Variants in GPN1 observed in about 807,000 individuals in gnomAD.
GPN1 encodes the protein GPN-loop GTPase 1.
In GPN1, 44 loss-of-function variants were observed where a neutral mutation model predicts 55.9. The observed-to-expected ratio is 0.79, with a 90% confidence interval of 0.62 to 1.01. GPN1 has a LOEUF of 1.01. GPN1 is among the 50% of genes least tolerant of loss of function. GPN1 has a pLI of 0.00. For synonymous variants in GPN1, 179 were observed against 162.5 expected (o/e 1.10, Z -0.77); for missense variants, 466 against 462.8 (o/e 1.01, Z -0.06).
chr2:27,628,536 T>A (rs1305959390), upstream of GPN1: 1 of 1,551,428 alleles, frequency 6.4e-7, no homozygotes. Context: ...GCTCCCGTAG[T>A]TTATTCGTTC....
In GPN1 at chr2:27,643,641, T is replaced by TA. The variant is rs1311079745; in HGVS notation, c.931+1123dup. Reference sequence around the variant, plus strand: ...TCCTTTAGAATCTGGAACAGTGCCTTAGTCTGACTTTGTATTTCATGACTG... The same window carrying TA: ...TCCTTTAGAATCTGGAACAGTGCCTTAAGTCTGACTTTGTATTTCATGACTG... On this transcript the variant is annotated intron_variant, in intron 12 of 13. Transcript: ENST00000610189. This position sits in a 1 kb window ranked among gnomAD's most constrained non-coding sequence, Gnocchi z 4.0. 6.6e-6 allele frequency among the ~76,000 whole-genome samples: 1 copy of TA among 152,234 alleles called. No individual in the cohort carries two copies. The highest frequency in any genetic ancestry group is 1.5e-5 in the Non-Finnish European group (1 of 68,040).
At chr2:27,638,816 C>T (rs1420627216) in intron 8 of GPN1, 69 bp from the exon 9 acceptor site, 2 of 1,322,182 alleles carry the variant, frequency 1.5e-6, no homozygotes, top group Non-Finnish European at 2.1e-6. Context: ...GCTGTCAACA[C>T]TTAATTAAAA....
intron 3 of GPN1, chr2:27,631,319 G>A (rs565803268): frequency 3.9e-6 from 2 of 515,856 alleles, no homozygotes; most frequent in Non-Finnish European, 6.9e-6. Context: ...CAGCTACCTG[G>A]GTCCCACAAG....
rs780203571 is a variant in GPN1 at position 27,643,919 on chromosome 2, C to CT, written c.931+1401dup. 2.0e-5 allele frequency among the ~76,000 whole-genome samples: 3 copies of CT among 152,210 alleles called. No individual in the cohort carries two copies. Among genetic ancestry groups the CT allele is most frequent in the Non-Finnish European group, 4.4e-5 (3 of 68,034 alleles). On this transcript the variant is annotated intron_variant, in intron 12 of 13. Coordinates refer to ENST00000610189, the MANE Select transcript of GPN1 (RefSeq NM_007266.4). This position sits in a 1 kb window ranked among gnomAD's most constrained non-coding sequence, Gnocchi z 4.0. ...TTAGGCCGGGCGCAGTGGCTCACGC[C>CT]TGTAATCCCAGCATTTTGGGAGGCC... is the stretch of plus-strand genomic sequence containing the variant.
Position 27,632,631 on chromosome 2 carries a change from A to G in GPN1, c.313-2A>G. The G allele has an allele frequency of 6.3e-7, 1 of 1,595,540 alleles. No individual in the cohort carries two copies. Among genetic ancestry groups the G allele is most frequent in the South Asian group, 1.1e-5 (1 of 90,630 alleles). On this transcript the variant is annotated splice_acceptor_variant, in intron 4 of 13. Coordinates refer to ENST00000610189, the MANE Select transcript of GPN1 (RefSeq NM_007266.4). LOFTEE classifies it high-confidence loss of function. ...GTTGTCATTGACATCTTTTTCTTTT[A>G]GGTGATGAAATTTATTGAGAAGGCC...
Position 27,642,508 on chromosome 2 carries a change from G to T in GPN1, c.920G>T (p.Gly307Val). ...KDMGSVALDA[G>V]TAKDSLSPVL... is the part of the protein sequence containing the mutation. ...ATGGGTTCTGTAGCCTTGGATGCAG[G>T]GACTGCCAAAGGTATTGGAGGGTTT... The change falls in exon 12 of 14, where the codon GGG (glycine) becomes GTG (valine). Residue 307 changes from glycine (G) to valine (V), a missense_variant. By Grantham distance (109) the Gly-to-Val change is moderately radical. Coordinates refer to ENST00000610189, the MANE Select transcript of GPN1 (RefSeq NM_007266.4). 1 of 1,603,172 alleles carries T rather than the reference G, an allele frequency of 6.2e-7. No homozygotes were observed. The highest frequency in any genetic ancestry group is 8.5e-7 in the Non-Finnish European group (1 of 1,170,184).
At chr2:27,639,054 AC>A (rs751092387) in intron 9 of GPN1, 23 bp downstream of exon 9, 74 of 1,568,668 alleles carry the variant, frequency 4.7e-5, no homozygotes, top group Non-Finnish European at 6.2e-5. Context: ...TCCTGCTCAC[AC>A]TGACAGCCTC....
At chr2:27,642,956 TATAC>T (rs1335344703) in intron 12 of GPN1, among the ~76,000 whole-genome samples, 134 of 85,822 alleles carry the variant, frequency 1.6e-3, no homozygotes, top group East Asian at 7.4e-3. Flanking sequence ...TATATATATA[TATAC>T]ACACACACAC....
At chr2:27,648,314 G>A (rs1674343834) in intron 13 of GPN1, among the ~76,000 whole-genome samples, 1 of 152,142 alleles carries the variant, frequency 6.6e-6, no homozygotes. Context: ...GAGGCCAGGA[G>A]TTCTGGACAA....
chr2:27,628,473 A>G, upstream of GPN1: 1 of 1,551,508 alleles, frequency 6.4e-7, no homozygotes, highest in Non-Finnish European at 8.7e-7. Context: ...AATGAGCGCT[A>G]GCATCAGGAA....
In GPN1 at chr2:27,635,191, A is replaced by G; in HGVS notation, c.481A>G (p.Thr161Ala). ...CTATGTAATGGACACATCGAGAAGTACCAACCCAGTGACCTTCATGTCCAA... is the reference window on the plus strand; with the variant it reads ...CTATGTAATGGACACATCGAGAAGTGCCAACCCAGTGACCTTCATGTCCAA... Reference protein sequence around the residue: ...VIYVMDTSRSTNPVTFMSNML... With the variant: ...VIYVMDTSRSANPVTFMSNML... Residue 161 changes from threonine to alanine, a missense_variant, in exon 7 of 14, where the codon ACC becomes GCC. Physicochemically the swap from Thr to Ala is moderately conservative, Grantham distance 58. Coordinates refer to ENST00000610189, the MANE Select transcript of GPN1 (RefSeq NM_007266.4). 1 of 1,606,102 alleles carries G rather than the reference A, an allele frequency of 6.2e-7. No individual in the cohort carries two copies. The highest frequency in any genetic ancestry group is 8.5e-7 in the Non-Finnish European group (1 of 1,173,200).
At chr2:27,649,529 T>C (rs1674418462) in intron 13 of GPN1, among the ~76,000 whole-genome samples, 1 of 152,212 alleles carries the variant, frequency 6.6e-6, no homozygotes, top group African/African-American at 2.4e-5. Flanking sequence ...GCCCCTTTTT[T>C]TTCAGTCCCC....
chr2:27,641,205 A>G (rs754271891), intron 10 of GPN1, 35 bp from the exon 11 acceptor site: 9 of 1,509,594 alleles, frequency 6.0e-6, no homozygotes, highest in Middle Eastern at 1.7e-4. Context: ...ATAGAGGATT[A>G]AGCAAAGGAA....
intron 5 of GPN1, among the ~76,000 whole-genome samples, chr2:27,634,233 C>T (rs1673650193): frequency 6.6e-6 from 1 of 151,640 alleles, no homozygotes; most frequent in Admixed American, 6.6e-5. Flanking sequence ...AATTCTTTGC[C>T]AATTAAAAAA....
chr2:27,648,215 A>G (rs192837640), intron 13 of GPN1, among the ~76,000 whole-genome samples: 1 of 152,124 alleles, frequency 6.6e-6, no homozygotes, highest in East Asian at 1.9e-4. Context: ...TGTTATTAGT[A>G]TTTTGTTTTA....
At chr2:27,645,309 A>T (rs1350955121) in intron 12 of GPN1, among the ~76,000 whole-genome samples, 2 of 151,404 alleles carry the variant, frequency 1.3e-5, no homozygotes, top group Non-Finnish European at 2.9e-5. Context: ...GTGAGCAAGG[A>T]CTCCTTACTT....
intron 12 of GPN1, among the ~76,000 whole-genome samples, chr2:27,645,046 C>G (rs1193543411): frequency 1.3e-5 from 2 of 152,104 alleles, no homozygotes; most frequent in African/African-American, 4.8e-5. Flanking sequence ...TAGCTCCCTG[C>G]AGCCTCGAAC....
upstream of GPN1, chr2:27,629,003 A>G: frequency 6.2e-7 from 1 of 1,609,300 alleles, no homozygotes; most frequent in Admixed American, 1.7e-5. Context: ...AACATTGCGG[A>G]AGTTTCTCTA....
upstream of GPN1, chr2:27,628,793 G>A (rs1488097702): frequency 2.6e-6 from 4 of 1,513,014 alleles, no homozygotes; most frequent in Non-Finnish European, 3.5e-6. Context: ...GGAGACAAAA[G>A]CCCTCCCAGG....
Sources: gnomAD v4.1 joint callset for allele counts (sites outside exome capture counted in the v4.1 genomes callset) on GRCh38, gnomAD v4.1.1 for gene constraint, Gnocchi (gnomAD v3.1) non-coding constraint, MANE v1.5 for transcripts, NCBI Gene and HGNC (gene_info 2026-07-23, HGNC 2026-07-21) for gene names.